The following KLHL1 variants were observed in gnomAD, a reference collection of about 807,000 sequenced individuals.
KLHL1 encodes the protein kelch like family member 1, also known as kelch-like protein 1.
In KLHL1, 47 loss-of-function variants were observed where a neutral mutation model predicts 77.7. The observed-to-expected ratio is 0.60, with a 90% CI of 0.48 to 0.77. The LOEUF (loss-of-function observed/expected upper bound fraction) is 0.77. Among genes scored for constraint, KLHL1 ranks in the 30% least tolerant of loss-of-function variants. The pLI, the probability that KLHL1 is intolerant of heterozygous loss-of-function variation, is 0.00. For missense variants in KLHL1, 925 were observed against 910.8 expected (o/e 1.02, Z -0.20); for synonymous variants, 360 against 325.2 (o/e 1.11, Z -1.15).
chr13:70,088,388 TA>T (rs34060557), intron 1 of KLHL1, among the ~76,000 whole-genome samples: 49,871 of 150,904 alleles, frequency 0.33, 9,618 homozygotes, highest in African/African-American at 0.53. Context: ...TATACAAATA[TA>T]AAAAAAAAGG....
chr13:69,846,974 CAAA>C (rs1415466051), intron 5 of KLHL1, among the ~76,000 whole-genome samples: 2 of 151,294 alleles, frequency 1.3e-5, no homozygotes, highest in African/African-American at 4.8e-5. Context: ...ATCTCTCAAA[CAAA>C]AAATAGAATC....
intron 6 of KLHL1, among the ~76,000 whole-genome samples, chr13:69,813,499 C>T (rs1416901077): frequency 6.6e-6 from 1 of 150,778 alleles, no homozygotes; most frequent in African/African-American, 2.5e-5. Flanking sequence ...CACACACACA[C>T]ACACATATAT....
At chr13:69,815,883 A>C (rs1198320239) in intron 6 of KLHL1, among the ~76,000 whole-genome samples, 1 of 152,140 alleles carries the variant, frequency 6.6e-6, no homozygotes, top group Non-Finnish European at 1.5e-5. Flanking sequence ...ATATATCTAC[A>C]TCAAAAATAT....
In KLHL1 at chr13:69,995,054, T is replaced by G. The variant is rs569409870; in HGVS notation, c.498-19252A>C. Among the ~76,000 whole-genome samples, 7 of 152,250 alleles carry G rather than the reference T, an allele frequency of 4.6e-5. No individual in the cohort carries two copies. In the South Asian group the frequency reaches 1.4e-3, roughly 32 times the overall value. On this transcript the variant is annotated intron_variant, in intron 1 of 10. Transcript: ENST00000377844. ...CTATAGATCCCTGCCAGTAGCCCAG[T>G]TAAGCCAGTCGCCTTTTAAGGATAA... is the stretch of plus-strand genomic sequence containing the variant.
intron 4 of KLHL1, among the ~76,000 whole-genome samples, chr13:69,902,979 G>A (rs1241753088): frequency 6.6e-6 from 1 of 152,074 alleles, no homozygotes; most frequent in African/African-American, 2.4e-5. Flanking sequence ...ATGTATGATT[G>A]CTTGTTAAAT....
intron 8 of KLHL1, among the ~76,000 whole-genome samples, chr13:69,731,811 A>T (rs1873552822): frequency 6.6e-6 from 1 of 152,170 alleles, no homozygotes; most frequent in Non-Finnish European, 1.5e-5. Flanking sequence ...TTGAGAGCAA[A>T]TAAATGTACC....
At chr13:69,708,942 T>TA in intron 9 of KLHL1, among the ~76,000 whole-genome samples, 1 of 152,106 alleles carries the variant, frequency 6.6e-6, no homozygotes, top group African/African-American at 2.4e-5. Context: ...AATGAAGAAA[T>TA]AAAAATACCT....
At chr13:69,934,918 C>T (rs1407051533) in intron 4 of KLHL1, among the ~76,000 whole-genome samples, 1 of 146,080 alleles carries the variant, frequency 6.8e-6, no homozygotes, top group Non-Finnish European at 1.5e-5. Flanking sequence ...CCCATTGCGT[C>T]TCATAATTTT....
intron 5 of KLHL1, among the ~76,000 whole-genome samples, chr13:69,854,103 C>T: frequency 6.6e-6 from 1 of 152,026 alleles, no homozygotes; most frequent in East Asian, 1.9e-4. Context: ...AAGTCTTTGA[C>T]TTCTAACTTG....
intron 4 of KLHL1, among the ~76,000 whole-genome samples, chr13:69,893,633 G>T (rs1203324562): frequency 6.6e-6 from 1 of 152,126 alleles, no homozygotes; most frequent in Non-Finnish European, 1.5e-5. Flanking sequence ...AACATATATT[G>T]TTATGTATGA....
At chr13:70,066,864 T>C (rs1333309116) in intron 1 of KLHL1, among the ~76,000 whole-genome samples, 2 of 152,204 alleles carry the variant, frequency 1.3e-5, no homozygotes, top group African/African-American at 4.8e-5. Flanking sequence ...AAAATAGTCA[T>C]TTTATATAAC....
chr13:70,043,911 TC>T (rs1294066284), intron 1 of KLHL1, among the ~76,000 whole-genome samples: 3 of 152,174 alleles, frequency 2.0e-5, no homozygotes, highest in Non-Finnish European at 4.4e-5. Flanking sequence ...ATCTGACTCA[TC>T]ATCTCTCAAT....
At chr13:69,996,575 G>C (rs1290943881) in intron 1 of KLHL1, among the ~76,000 whole-genome samples, 2 of 152,020 alleles carry the variant, frequency 1.3e-5, no homozygotes, top group African/African-American at 4.8e-5. Context: ...ACATTATTAG[G>C]GGAATCTAAA....
At position 70,004,540 on chromosome 13, in the gene KLHL1, C is replaced by T. The variant is rs968264706; in HGVS notation, c.498-28738G>A. On this transcript the variant is annotated intron_variant, in intron 1 of 10. Transcript: ENST00000377844. ...CCATCCCCCTGACTAGTCCACGTTTCCTTTTTTTGTATTATAGTCTTTGTT... is the reference window on the plus strand; with the variant it reads ...CCATCCCCCTGACTAGTCCACGTTTTCTTTTTTTGTATTATAGTCTTTGTT... 2.0e-5 allele frequency among the ~76,000 whole-genome samples: 3 copies of T among 151,650 alleles called. No homozygotes were observed. The Admixed American group carries it at 2.0e-4, about 10-fold the overall frequency.
At chr13:69,796,505 C>A (rs1167315664) in intron 7 of KLHL1, among the ~76,000 whole-genome samples, 1 of 152,126 alleles carries the variant, frequency 6.6e-6, no homozygotes, top group East Asian at 1.9e-4. Flanking sequence ...GAATGCATGG[C>A]CTCCCTTTGC....
intron 2 of KLHL1, among the ~76,000 whole-genome samples, chr13:69,974,661 A>G (rs1434081352): frequency 6.6e-6 from 1 of 151,954 alleles, no homozygotes; most frequent in East Asian, 1.9e-4. Context: ...AATACATACA[A>G]TATTATTTAA....
intron 2 of KLHL1, among the ~76,000 whole-genome samples, chr13:69,974,458 T>A (rs1884484765): frequency 6.6e-6 from 1 of 151,640 alleles, no homozygotes; most frequent in Non-Finnish European, 1.5e-5. Context: ...ATGTAGAATA[T>A]TATGAATATA....
intron 5 of KLHL1, among the ~76,000 whole-genome samples, chr13:69,855,714 C>T (rs1024258840): frequency 6.6e-6 from 1 of 151,390 alleles, no homozygotes; most frequent in Non-Finnish European, 1.5e-5. Context: ...TTCCTGAGGC[C>T]TCACCAGCCA....
intron 1 of KLHL1, among the ~76,000 whole-genome samples, chr13:70,051,557 T>C (rs780356593): frequency 6.6e-6 from 1 of 152,098 alleles, no homozygotes; most frequent in Non-Finnish European, 1.5e-5. Context: ...AGACCATTTA[T>C]GAATGAAATT....
Sources: allele counts gnomAD v4.1 joint callset (sites outside exome capture counted in the v4.1 genomes callset), GRCh38; gene constraint gnomAD v4.1.1; transcripts MANE v1.5; gene names NCBI Gene and HGNC (gene_info 2026-07-23, HGNC 2026-07-21).